MAJIN: variants seen among roughly 807,000 people sequenced by gnomAD.
MAJIN encodes the protein membrane anchored junction protein.
Under a neutral mutation model 30.2 loss-of-function variants are expected in MAJIN, and 27 were observed. The observed-to-expected ratio is 0.89, with a 90% CI of 0.66 to 1.23. The LOEUF (loss-of-function observed/expected upper bound fraction) is 1.23, where lower values mean the gene tolerates loss of function less well. Ranked by LOEUF, MAJIN falls within the 50% of genes most tolerant of loss-of-function variation. MAJIN has a pLI of 0.00. For synonymous variants in MAJIN, 78 were observed against 91.6 expected, an observed-to-expected ratio of 0.85 and a Z score of 0.85; for missense variants, 253 against 260.3, an observed-to-expected ratio of 0.97 and a Z score of 0.19.
At chr11:64,954,695 C>G in intron 4 of MAJIN, 62 bp downstream of exon 4, 1 of 1,522,508 alleles carries the variant, frequency 6.6e-7, no homozygotes, top group Non-Finnish European at 9.1e-7. Flanking sequence ...ATAATTAAAA[C>G]CTGAATGTGG....
At chr11:64,952,323 G>T (rs1217309939) in intron 4 of MAJIN, among the ~76,000 whole-genome samples, 1 of 151,992 alleles carries the variant, frequency 6.6e-6, no homozygotes, top group South Asian at 2.1e-4. Flanking sequence ...AAGTAGCTGG[G>T]ATTACAGGTG....
chr11:64,966,731 C>T (rs1238647326), intron 1 of MAJIN, among the ~76,000 whole-genome samples: 1 of 151,788 alleles, frequency 6.6e-6, no homozygotes, highest in African/African-American at 2.4e-5. Context: ...GTCAGGAGTT[C>T]GAGACCAGCC....
At chr11:64,961,403 G>A (rs1468766803) in intron 1 of MAJIN, among the ~76,000 whole-genome samples, 1 of 150,936 alleles carries the variant, frequency 6.6e-6, no homozygotes, top group Non-Finnish European at 1.5e-5. Flanking sequence ...CTGACCTCAG[G>A]TGATCTGCCT....
chr11:64,967,195 G>A (rs566749307), intron 1 of MAJIN, among the ~76,000 whole-genome samples: 15 of 152,104 alleles, frequency 9.9e-5, no homozygotes, highest in African/African-American at 3.6e-4. Context: ...ATCACTTGAG[G>A]TCAGGAGTTC....
chr11:64,950,541 G>T, intron 4 of MAJIN, 111 bp from the exon 5 acceptor site: 1 of 880,266 alleles, frequency 1.1e-6, no homozygotes, highest in Non-Finnish European at 1.8e-6. Context: ...TGAACTATTT[G>T]CTGTTCCTTT....
chr11:64,954,925 G>GT, intron 3 of MAJIN, 123 bp from the exon 4 acceptor site: 1 of 864,094 alleles, frequency 1.2e-6, no homozygotes, highest in South Asian at 1.8e-5. Flanking sequence ...GTAAAACTGT[G>GT]TAAGCTGACC....
chr11:64,947,260 T>A, intron 8 of MAJIN, 114 bp downstream of exon 8: 1 of 804,836 alleles, frequency 1.2e-6, no homozygotes, highest in Non-Finnish European at 1.9e-6. Context: ...AGGCAGATAC[T>A]GATGAAGTCC....
chr11:64,943,223 G>A (rs753803398), intron 8 of MAJIN, among the ~76,000 whole-genome samples: 4 of 152,090 alleles, frequency 2.6e-5, no homozygotes, highest in African/African-American at 4.8e-5. Context: ...AACAAAATGC[G>A]ACGTGCAGTT....
intron 4 of MAJIN, among the ~76,000 whole-genome samples, chr11:64,952,740 T>C (rs961159762): frequency 6.6e-6 from 1 of 152,096 alleles, no homozygotes; most frequent in African/African-American, 2.4e-5. Context: ...AGTCTCACTC[T>C]GTTGCCCAGG....
At chr11:64,946,222 T>C in intron 8 of MAJIN, 1 of 1,444,154 alleles carries the variant, frequency 6.9e-7, no homozygotes, top group Non-Finnish European at 9.3e-7. Context: ...CAAGCAAATG[T>C]GGCCCAAATG....
intron 1 of MAJIN, among the ~76,000 whole-genome samples, chr11:64,962,789 C>G (rs542615124): frequency 3.3e-5 from 5 of 152,120 alleles, no homozygotes; most frequent in Non-Finnish European, 7.3e-5. Flanking sequence ...AACGTTAGCA[C>G]TTACGATAGA....
At chr11:64,961,781 T>TC in intron 1 of MAJIN, among the ~76,000 whole-genome samples, 2 of 149,836 alleles carry the variant, frequency 1.3e-5, no homozygotes, top group Middle Eastern at 7.0e-3. Context: ...TGGCTCTTTT[T>TC]TTTTCTTTTC....
At chr11:64,947,962 C>T (rs1472224775) in intron 6 of MAJIN, 143 bp from the exon 7 acceptor site, 15 of 706,178 alleles carry the variant, frequency 2.1e-5, no homozygotes, top group South Asian at 1.3e-4. Context: ...TGAGTTCAAG[C>T]GATTCTCCTC....
At chr11:64,965,932 G>T (rs1296658900) in intron 1 of MAJIN, among the ~76,000 whole-genome samples, 1 of 150,266 alleles carries the variant, frequency 6.7e-6, no homozygotes, top group East Asian at 1.9e-4. Context: ...TTCCAGCCTG[G>T]GCAACAGAGC....
intron 8 of MAJIN, among the ~76,000 whole-genome samples, chr11:64,941,271 A>G (rs563870969): frequency 6.6e-6 from 1 of 152,352 alleles, no homozygotes; most frequent in South Asian, 2.1e-4. Flanking sequence ...TACCAAGGAC[A>G]GAACACTGAG....
chr11:64,944,290 G>A (rs117357931), intron 8 of MAJIN, among the ~76,000 whole-genome samples: 1,588 of 152,324 alleles, frequency 0.01, 13 homozygotes, highest in Non-Finnish European at 0.015. Flanking sequence ...TGGACTTTAA[G>A]CTACTCTGAG....
intron 3 of MAJIN, among the ~76,000 whole-genome samples, chr11:64,957,560 T>A (rs914105084): frequency 6.6e-6 from 1 of 152,118 alleles, no homozygotes; most frequent in East Asian, 1.9e-4. Flanking sequence ...TGCACCACCA[T>A]GCTCAGCTAA....
At chr11:64,952,435 G>A (rs994288487) in intron 4 of MAJIN, among the ~76,000 whole-genome samples, 4 of 151,786 alleles carry the variant, frequency 2.6e-5, no homozygotes, top group African/African-American at 4.8e-5. Context: ...TGATCCACCC[G>A]CCTTGACCTC....
intron 3 of MAJIN, among the ~76,000 whole-genome samples, chr11:64,957,719 A>T (rs1945657792): frequency 6.6e-6 from 1 of 151,622 alleles, no homozygotes; most frequent in South Asian, 2.1e-4. Flanking sequence ...TATCATGAAA[A>T]GGTGAGATGC....
Sources: gnomAD v4.1 joint callset for allele counts (sites outside exome capture counted in the v4.1 genomes callset) on GRCh38, gnomAD v4.1.1 for gene constraint, MANE v1.5 for transcripts, NCBI Gene and HGNC (gene_info 2026-07-23, HGNC 2026-07-21) for gene names.